Variants in ABI3BP observed in about 807,000 individuals in gnomAD.
The protein encoded by ABI3BP is ABI family member 3 binding protein.
ABI3BP carries 216 observed loss-of-function variants against 268.6 expected under a neutral mutation model. The ratio of observed to expected loss-of-function variants is 0.80; its 90% confidence interval spans 0.72 to 0.90. The LOEUF is 0.90. ABI3BP is among the 40% of genes least tolerant of loss of function. The pLI is 0.00. For synonymous variants in ABI3BP, 730 were observed against 730.0 expected (o/e 1.00, Z 0.00); for missense variants, 2,090 against 2,182.4 (o/e 0.96, Z 0.84).
chr3:100,980,796 G>T (rs1199012701), intron 1 of ABI3BP, among the ~76,000 whole-genome samples: 2 of 152,166 alleles, frequency 1.3e-5, no homozygotes, highest in African/African-American at 4.8e-5. Flanking sequence ...CAGAAACTCA[G>T]TTCCATGGAA....
rs375825700 is a variant in ABI3BP, at chr3:100,848,859, T to C, written c.1518A>G (p.Thr506=). The change falls in exon 18 of 68, where the codon ACA becomes ACG. Residue 506 remains threonine, a synonymous_variant. Coordinates refer to ENST00000471714, the MANE Select transcript of ABI3BP (RefSeq NM_001375547.2). ...QPTTPAPQQT[T]SIPSTPKRRP... is the part of the protein sequence containing the mutation. The stretch of plus-strand genomic sequence containing the variant: ...GTCGTTTAGGTGTAGAAGGGATAGA[T>C]GTAGTTTGCTGGGGAGCTGAAAGAA... The C allele has an allele frequency of 3.7e-6, 6 of 1,613,142 alleles. No homozygotes were observed. The highest frequency in any genetic ancestry group is 4.2e-6 in the Non-Finnish European group (5 of 1,179,280).
At chr3:100,892,034 G>A (rs540737876) in intron 4 of ABI3BP, among the ~76,000 whole-genome samples, 1 of 152,318 alleles carries the variant, frequency 6.6e-6, no homozygotes, top group East Asian at 1.9e-4. Flanking sequence ...ATACTACCCA[G>A]GCCCCTGGAA....
intron 9 of ABI3BP, among the ~76,000 whole-genome samples, chr3:100,870,831 T>A (rs1039220568): frequency 6.6e-6 from 1 of 152,160 alleles, no homozygotes; most frequent in Admixed American, 6.5e-5. Flanking sequence ...GAAATTATGG[T>A]ACACACACAC....
Position 100,864,888 on chromosome 3 carries a change from T to C in ABI3BP, c.1008A>G (p.Pro336=). The C allele has an allele frequency of 6.2e-7, 1 of 1,607,924 alleles. No individual in the cohort carries two copies. The highest frequency in any genetic ancestry group is 2.2e-5 in the East Asian group (1 of 44,832). The change falls in exon 11 of 68, where the codon CCA becomes CCG. Residue 336 remains proline, a synonymous_variant. Transcript: ENST00000471714. ...TAGACGTAGTGGGTTTAGTGCTTCT[T>C]GGAACTGTTTCAGGAGTCACTGAAA... ...RPTTVTPETV[P]RSTKPTTSSA... is the part of the protein sequence containing the mutation.
At chr3:100,797,743 G>C (rs2097393094) in intron 51 of ABI3BP, among the ~76,000 whole-genome samples, 1 of 151,704 alleles carries the variant, frequency 6.6e-6, no homozygotes, top group Non-Finnish European at 1.5e-5. Context: ...TGTGAAAACT[G>C]GTACACTGAA....
intron 36 of ABI3BP, 93 bp downstream of exon 36, chr3:100,824,765 A>G: frequency 9.4e-7 from 1 of 1,063,250 alleles, no homozygotes. Flanking sequence ...TAGGGAGAAT[A>G]AGACCTGTTG....
Position 100,765,844 on chromosome 3 carries a change from G to C in ABI3BP, c.4847C>G (p.Thr1616Arg). 6.2e-7 allele frequency: 1 copy of C among 1,603,396 alleles called. No homozygotes were observed. Among genetic ancestry groups the C allele is most frequent in the South Asian group, 1.1e-5 (1 of 89,424 alleles). ...FSTVENLKPNTSYEFQVKPKN... is the reference protein window; with the variant it reads ...FSTVENLKPNRSYEFQVKPKN... ...TGGAATAGCACTGGTGGCTTACCTC[G>C]TGTTTGGTTTCAGATTTTCTACTGT... is the stretch of plus-strand genomic sequence containing the variant. Residue 1616 changes from threonine (T) to arginine (R), a missense_variant, in exon 63 of 68, where the codon ACG becomes AGG. Physicochemically the swap from Thr to Arg is moderately conservative, Grantham distance 71 (BLOSUM62 -1). Transcript: ENST00000471714.
At chr3:100,801,142 A>G (rs2097524826) in intron 51 of ABI3BP, among the ~76,000 whole-genome samples, 1 of 151,894 alleles carries the variant, frequency 6.6e-6, no homozygotes, top group African/African-American at 2.4e-5. Context: ...TTTTTTTTAG[A>G]GCAAATCTGG....
At chr3:100,970,893 G>A (rs2083316883) in intron 1 of ABI3BP, among the ~76,000 whole-genome samples, 1 of 152,110 alleles carries the variant, frequency 6.6e-6, no homozygotes, top group African/African-American at 2.4e-5. Context: ...GAAATGATTG[G>A]GCAGTGGTCT....
chr3:100,835,456 A>G, intron 28 of ABI3BP, 145 bp downstream of exon 28: 1 of 650,166 alleles, frequency 1.5e-6, no homozygotes, highest in Non-Finnish European at 2.5e-6. Context: ...CACTTTCAAT[A>G]CATTCAAAAT....
rs1294181258 is a variant in ABI3BP at position 100,754,688 on chromosome 3, A to G, written c.4854T>C (p.Tyr1618=). The change falls in exon 64 of 68, where the codon TAT becomes TAC. Residue 1618 remains tyrosine, a synonymous_variant. Transcript: ENST00000471714. Reference sequence around the variant, plus strand: ...GGTTTTTGGGTTTCACCTGGAATTCATAACTGTTTAGGGGAAAATAAAAAA... The same window carrying G: ...GGTTTTTGGGTTTCACCTGGAATTCGTAACTGTTTAGGGGAAAATAAAAAA... ...TVENLKPNTS[Y]EFQVKPKNPL... is the part of the protein sequence containing the mutation. 6.3e-6 allele frequency: 10 copies of G among 1,579,662 alleles called. No homozygotes were observed. Among genetic ancestry groups the G allele is most frequent in the African/African-American group, 1.3e-5 (1 of 74,354 alleles).
Position 100,813,649 on chromosome 3 carries a change from CA to C in ABI3BP, c.3364+11del. On this transcript the variant is annotated intron_variant, in intron 45 of 67. Transcript: ENST00000471714. ...ACACAGTATACCCAGACAGATAAAA[CA>C]ATCTATTTACCAGGTTGACTTTCTG... 6.5e-7 allele frequency: 1 copy of C among 1,529,414 alleles called. No individual in the cohort carries two copies. The highest frequency in any genetic ancestry group is 8.8e-7 in the Non-Finnish European group (1 of 1,141,090). 94.7% of individuals were successfully genotyped at this position (1,529,414 alleles called of 1,614,324 possible).
intron 1 of ABI3BP, among the ~76,000 whole-genome samples, chr3:100,985,141 CTTTTTTTT>C (rs1172049956): frequency 1.3e-5 from 1 of 79,836 alleles, no homozygotes; most frequent in Non-Finnish European, 2.4e-5. Context: ...CAGAAAAGCA[CTTTTTTTT>C]TTTTTTTTTT....
At position 100,847,586 on chromosome 3, in the gene ABI3BP, G is replaced by A. The variant is rs1397009972; in HGVS notation, c.1648+16C>T. The A allele has an allele frequency of 6.3e-7, 1 of 1,593,816 alleles. No individual in the cohort carries two copies. Among genetic ancestry groups the A allele is most frequent in the Non-Finnish European group, 8.6e-7 (1 of 1,161,680 alleles). On this transcript the variant is annotated intron_variant, in intron 19 of 67. Coordinates refer to ENST00000471714, the MANE Select transcript of ABI3BP (RefSeq NM_001375547.2). ...GAAATGAAGCAACACATCTACTAAG[G>A]ACATATCATTATTACCCGGTGTTGT...
chr3:100,935,508 T>C (rs2065659955), intron 1 of ABI3BP, among the ~76,000 whole-genome samples: 1 of 152,200 alleles, frequency 6.6e-6, no homozygotes, highest in Non-Finnish European at 1.5e-5. Context: ...TTTCCAATTC[T>C]GTGAAGAAAG....
chr3:100,988,408 G>T (rs1156843878), intron 1 of ABI3BP, among the ~76,000 whole-genome samples: 2 of 152,096 alleles, frequency 1.3e-5, no homozygotes, highest in Non-Finnish European at 2.9e-5. Flanking sequence ...GTTTTTTTCA[G>T]TCTAGGCTTC....
intron 2 of ABI3BP, chr3:100,911,941 C>T: frequency 9.3e-7 from 1 of 1,072,226 alleles, no homozygotes; most frequent in Non-Finnish European, 1.4e-6. Flanking sequence ...TTCTTCAGTG[C>T]TTGCTCATTT....
chr3:100,839,588 C>T lies in ABI3BP; in HGVS notation c.1926G>A (p.Glu642=). 2 of 1,535,828 alleles carry T rather than the reference C, an allele frequency of 1.3e-6. No homozygotes were observed. Among genetic ancestry groups the T allele is most frequent in the South Asian group, 2.4e-5 (2 of 84,052 alleles). ...PALEPATIQP[E]PLVPTTASKP... Reference sequence around the variant, plus strand: ...AATTACCAGTTGTGGGCACCAAGGGCTCCGGTTGTATCGTGGCAGGTTCCA... The same window carrying T: ...AATTACCAGTTGTGGGCACCAAGGGTTCCGGTTGTATCGTGGCAGGTTCCA... Residue 642 remains glutamate (E), a synonymous_variant, in exon 24 of 68, where the codon GAG becomes GAA. Coordinates refer to ENST00000471714, the MANE Select transcript of ABI3BP (RefSeq NM_001375547.2).
chr3:100,817,737 A>G (rs888190565), intron 41 of ABI3BP, among the ~76,000 whole-genome samples: 1 of 152,218 alleles, frequency 6.6e-6, no homozygotes, highest in African/African-American at 2.4e-5. Context: ...CTTGCTACAC[A>G]TTAGTGGAAG....
Sources: allele counts gnomAD v4.1 joint callset (sites outside exome capture counted in the v4.1 genomes callset), GRCh38; gene constraint gnomAD v4.1.1; transcripts MANE v1.5; gene names NCBI Gene and HGNC (gene_info 2026-07-23, HGNC 2026-07-21).